Variants in SOX6 observed in about 807,000 individuals in gnomAD.
The protein encoded by SOX6 is SRY-box transcription factor 6, also known as transcription factor SOX-6.
In SOX6, 11 loss-of-function variants were observed where a neutral mutation model predicts 97.8. That is an observed-to-expected ratio of 0.11 (90% confidence interval 0.07 to 0.19). SOX6 has a LOEUF of 0.19. Ranked by LOEUF, SOX6 falls within the 10% of genes least tolerant of loss-of-function variation. SOX6 has a pLI of 1.00. For synonymous variants in SOX6, 360 were observed against 371.4 expected (o/e 0.97, Z 0.35); for missense variants, 810 against 1,039.5 (o/e 0.78, Z 3.04).
intron 4 of SOX6, among the ~76,000 whole-genome samples, chr11:16,200,681 T>G (rs2134126708): frequency 6.6e-6 from 1 of 152,350 alleles, no homozygotes; most frequent in South Asian, 2.1e-4. Context: ...GAAAATCTAC[T>G]TGATCACCTT....
intron 4 of SOX6, among the ~76,000 whole-genome samples, chr11:16,510,573 C>A (rs1408549320): frequency 1.3e-5 from 2 of 151,934 alleles, no homozygotes; most frequent in African/African-American, 4.8e-5. Context: ...ATTTAGTTAA[C>A]CTATTTGGTA....
chr11:16,276,898 C>T (rs16932862), intron 3 of SOX6, among the ~76,000 whole-genome samples: 25,402 of 152,192 alleles, frequency 0.17, 2,600 homozygotes, highest in Admixed American at 0.29. Flanking sequence ...AACTGAACCA[C>T]AATTTCTTCA....
intron 13 of SOX6, among the ~76,000 whole-genome samples, chr11:15,989,570 T>A (rs1226758792): frequency 6.6e-6 from 1 of 152,166 alleles, no homozygotes; most frequent in Non-Finnish European, 1.5e-5. Context: ...TACTGGTCAT[T>A]TTAGACTCAT....
At chr11:16,648,763 G>C (rs1318405376) in intron 3 of SOX6, among the ~76,000 whole-genome samples, 1 of 152,060 alleles carries the variant, frequency 6.6e-6, no homozygotes, top group Non-Finnish European at 1.5e-5. Flanking sequence ...TCCAAACCAA[G>C]AAGAAATCTC....
chr11:16,691,206 A>G (rs1848010734), intron 3 of SOX6, among the ~76,000 whole-genome samples: 1 of 152,252 alleles, frequency 6.6e-6, no homozygotes, highest in African/African-American at 2.4e-5. Context: ...TACTTAATGT[A>G]TTAGATAATC....
chr11:16,701,252 G>A (rs551354668), intron 3 of SOX6, among the ~76,000 whole-genome samples: 1 of 152,228 alleles, frequency 6.6e-6, no homozygotes, highest in Admixed American at 6.5e-5. Context: ...TCTTTGCTTT[G>A]CCACTTAGTA....
At chr11:15,983,731 GA>G (rs1398566448) in intron 15 of SOX6, among the ~76,000 whole-genome samples, 1 of 152,114 alleles carries the variant, frequency 6.6e-6, no homozygotes, top group Non-Finnish European at 1.5e-5. Context: ...TCAGCATTGA[GA>G]TGAAAGAATA....
At position 16,526,736 on chromosome 11, in the gene SOX6, T is replaced by C. The variant is rs149996067; in HGVS notation, n.610-50348A>G. On this transcript the variant is annotated intron_variant and non_coding_transcript_variant, in intron 4 of 5. Transcript: ENST00000524520. ...AACTTATCTAAATATTAATCCAGCCTTTCGTATATCAATTTTACTTAAAAT... is the reference window on the plus strand; with the variant it reads ...AACTTATCTAAATATTAATCCAGCCCTTCGTATATCAATTTTACTTAAAAT... 2.0e-5 allele frequency among the ~76,000 whole-genome samples: 3 copies of C among 152,248 alleles called. No homozygotes were observed. The East Asian group carries it at 5.8e-4, about 29-fold the overall frequency.
intron 12 of SOX6, among the ~76,000 whole-genome samples, chr11:16,039,202 G>A (rs1307065156): frequency 6.6e-6 from 1 of 151,886 alleles, no homozygotes; most frequent in East Asian, 1.9e-4. Context: ...TAGTTTTTAT[G>A]TTGTTTTACT....
chr11:16,708,797 T>G (rs1848155674), intron 3 of SOX6, among the ~76,000 whole-genome samples: 1 of 152,196 alleles, frequency 6.6e-6, no homozygotes, highest in Admixed American at 6.5e-5. Flanking sequence ...CTAGACAAAT[T>G]GCATTACTTT....
intron 3 of SOX6, among the ~76,000 whole-genome samples, chr11:16,692,088 T>TGTGC (rs1253258908): frequency 9.7e-5 from 14 of 144,932 alleles, no homozygotes; most frequent in African/African-American, 2.4e-4. Context: ...TGTGTGTGTG[T>TGTGC]GCGCGCGCGC....
intron 6 of SOX6, among the ~76,000 whole-genome samples, chr11:16,138,269 G>A (rs1458893428): frequency 1.3e-5 from 2 of 152,118 alleles, no homozygotes; most frequent in Non-Finnish European, 2.9e-5. Flanking sequence ...ACTATTCAGT[G>A]GGGCATCATT....
At chr11:15,997,149 G>T (rs1854249242) in intron 13 of SOX6, among the ~76,000 whole-genome samples, 1 of 152,028 alleles carries the variant, frequency 6.6e-6, no homozygotes, top group Non-Finnish European at 1.5e-5. Flanking sequence ...GAACATATTT[G>T]TTGAAAGACA....
At chr11:16,194,461 A>G (rs1051883923) in intron 4 of SOX6, among the ~76,000 whole-genome samples, 3 of 152,194 alleles carry the variant, frequency 2.0e-5, no homozygotes, top group Non-Finnish European at 2.9e-5. Context: ...GCTCTTAGGA[A>G]TCACTTAGGG....
At chr11:16,533,596 C>A (rs777453002) in intron 4 of SOX6, among the ~76,000 whole-genome samples, 1 of 151,882 alleles carries the variant, frequency 6.6e-6, no homozygotes, top group Non-Finnish European at 1.5e-5. Flanking sequence ...ATTATATACC[C>A]TCATTGAAAA....
chr11:16,166,576 T>C (rs1850893260), intron 6 of SOX6, among the ~76,000 whole-genome samples: 1 of 152,206 alleles, frequency 6.6e-6, no homozygotes, highest in East Asian at 1.9e-4. Context: ...AGGTAGGCTA[T>C]GATCTTGTAG....
At chr11:16,211,854 T>C (rs1411947498) in intron 4 of SOX6, among the ~76,000 whole-genome samples, 1 of 152,068 alleles carries the variant, frequency 6.6e-6, no homozygotes, top group Non-Finnish European at 1.5e-5. Context: ...AAATGGAAAA[T>C]ATGTACCACA....
intron 4 of SOX6, among the ~76,000 whole-genome samples, chr11:16,548,668 C>G (rs1277601133): frequency 1.3e-5 from 2 of 151,954 alleles, no homozygotes; most frequent in Admixed American, 1.3e-4. Context: ...AATGAACGGG[C>G]TGGGCAGGGA....
chr11:16,558,104 T>C (rs1331121319), intron 4 of SOX6, among the ~76,000 whole-genome samples: 1 of 151,954 alleles, frequency 6.6e-6, no homozygotes, highest in Non-Finnish European at 1.5e-5. Flanking sequence ...TCTAGCATCA[T>C]GTAAATGGTC....
Sources: allele counts gnomAD v4.1 joint callset (sites outside exome capture counted in the v4.1 genomes callset), GRCh38; gene constraint gnomAD v4.1.1; transcripts MANE v1.5; gene names NCBI Gene and HGNC (gene_info 2026-07-23, HGNC 2026-07-21).